Variants in MYO9A observed in about 807,000 individuals in gnomAD.
The protein encoded by MYO9A is myosin IXA, also known as unconventional myosin-IXa.
A neutral mutation model predicts 293.3 loss-of-function variants in MYO9A; 103 were observed. The observed-to-expected ratio is 0.35, with a 90% CI of 0.30 to 0.41. The LOEUF (loss-of-function observed/expected upper bound fraction) is 0.41, where lower values mean the gene tolerates loss of function less well. Among genes scored for constraint, MYO9A ranks in the 10% least tolerant of loss-of-function variants. MYO9A has a pLI of 1.00. For synonymous variants in MYO9A, 1,001 were observed against 1,035.7 expected (o/e 0.97, Z 0.64); for missense variants, 2,685 against 3,033.0 (o/e 0.89, Z 2.69).
rs747061925 is a variant in MYO9A, at chr15:71,951,915, A to AG, written c.2183-20_2183-19insC. 1 of 1,565,890 alleles carries AG rather than the reference A, an allele frequency of 6.4e-7. No homozygotes were observed. The highest frequency in any genetic ancestry group is 8.6e-7 in the Non-Finnish European group (1 of 1,165,070). On this transcript the variant is annotated intron_variant, in intron 14 of 41. Coordinates refer to ENST00000356056, the MANE Select transcript of MYO9A (RefSeq NM_006901.4). ...TCATGTCCTTAGGAAGCAAAAAAAA[A>AG]CAAACAAAAAAAAAAGGAGAAAAGA...
intron 20 of MYO9A, 37 bp downstream of exon 20, chr15:71,904,889 G>A: frequency 6.8e-7 from 1 of 1,460,398 alleles, no homozygotes. Flanking sequence ...TTTGAAGTAA[G>A]CTGAGATATG....
At position 72,058,609 on chromosome 15, in the gene MYO9A, A is replaced by ATACAG. The variant is rs2078789680; in HGVS notation, c.-71-11976_-71-11975insCTGTA. Among the ~76,000 whole-genome samples, 5 of 152,354 alleles carry ATACAG rather than the reference A, an allele frequency of 3.3e-5. No individual in the cohort carries two copies. The East Asian group carries it at 7.7e-4, about 23-fold the overall frequency. On this transcript the variant is annotated intron_variant, in intron 1 of 41. Coordinates refer to ENST00000356056, the MANE Select transcript of MYO9A (RefSeq NM_006901.4). ...TTACTGGCATTTATATAGCAATCAG[A>ATACAG]CAATGCTGTATCTTTTATATAGAAA...
intron 15 of MYO9A, among the ~76,000 whole-genome samples, chr15:71,942,191 C>G (rs1265974312): frequency 6.6e-6 from 1 of 151,860 alleles, no homozygotes; most frequent in Non-Finnish European, 1.5e-5. Flanking sequence ...TGTTGCATAA[C>G]ACAATCAGAA....
intron 13 of MYO9A, among the ~76,000 whole-genome samples, chr15:71,962,959 G>A (rs1226591290): frequency 6.6e-6 from 1 of 152,052 alleles, no homozygotes; most frequent in Non-Finnish European, 1.5e-5. Flanking sequence ...TCTCTCTCTA[G>A]TTTCCACAAG....
At chr15:71,948,603 G>A (rs1448049405) in intron 15 of MYO9A, among the ~76,000 whole-genome samples, 1 of 152,090 alleles carries the variant, frequency 6.6e-6, no homozygotes, top group Non-Finnish European at 1.5e-5. Context: ...GGCCTACAAA[G>A]CCTAAAATGT....
chr15:71,868,930 T>C (rs1415762944), intron 32 of MYO9A, among the ~76,000 whole-genome samples: 1 of 152,172 alleles, frequency 6.6e-6, no homozygotes, highest in Non-Finnish European at 1.5e-5. Context: ...TATTCAATAG[T>C]TCTACTCTCA....
chr15:72,019,262 T>C (rs1363692309), intron 5 of MYO9A, among the ~76,000 whole-genome samples, 167 bp from the exon 6 acceptor site: 1 of 152,222 alleles, frequency 6.6e-6, no homozygotes, highest in Non-Finnish European at 1.5e-5. Flanking sequence ...GCTGGGAGAC[T>C]GTATACTGTA....
chr15:72,018,953 T>A, intron 6 of MYO9A, 86 bp downstream of exon 6: 1 of 1,024,488 alleles, frequency 9.8e-7, no homozygotes, highest in Admixed American at 1.8e-5. Flanking sequence ...TCAGCTGATT[T>A]GCATTCTAAA....
chr15:72,044,318 A>G (rs967202107), intron 2 of MYO9A, among the ~76,000 whole-genome samples: 1 of 151,912 alleles, frequency 6.6e-6, no homozygotes, highest in Non-Finnish European at 1.5e-5. Flanking sequence ...AGGCAGGAGA[A>G]TCCCTTGAAC....
At chr15:72,040,948 C>A (rs1368039399) in intron 2 of MYO9A, among the ~76,000 whole-genome samples, 3 of 152,108 alleles carry the variant, frequency 2.0e-5, no homozygotes, top group Non-Finnish European at 2.9e-5. Flanking sequence ...GATCTAAAAT[C>A]AATGACCTCA....
Position 72,099,638 on chromosome 15 carries a change from C to A in MYO9A, c.-72+18042G>T, listed in dbSNP as rs568019682. On this transcript the variant is annotated intron_variant, in intron 1 of 41. Coordinates refer to ENST00000356056, the MANE Select transcript of MYO9A (RefSeq NM_006901.4). ...AAAACCAAGGCTGGGCGCGGTGGCT[C>A]ATGCCTGTAATCCCAGAATTTTGGG... is the stretch of plus-strand genomic sequence containing the variant. Among the ~76,000 whole-genome samples the A allele has an allele frequency of 4.4e-4, 67 of 151,758 alleles. 1 individual carries two copies. The South Asian group carries it at 7.1e-3, about 16-fold the overall frequency.
chr15:71,956,326 A>ATATATATATATAT (rs1371050523), intron 14 of MYO9A, among the ~76,000 whole-genome samples: 1 of 9,888 alleles, frequency 1.0e-4, no homozygotes, highest in African/African-American at 1.8e-4. Context: ...AAAAAAAAAA[A>ATATATATATATAT]AAAAATATAT....
chr15:72,034,993 A>T (rs1269033574), intron 2 of MYO9A, among the ~76,000 whole-genome samples: 1 of 152,212 alleles, frequency 6.6e-6, no homozygotes, highest in Admixed American at 6.5e-5. Flanking sequence ...TGGGTGGCAA[A>T]TAAGCATGAG....
At position 71,826,506 on chromosome 15, in the gene MYO9A, G is replaced by T; in HGVS notation, c.*74C>A. The T allele has an allele frequency of 1.5e-6, 2 of 1,366,532 alleles. No homozygotes were observed. The highest frequency in any genetic ancestry group is 2.0e-6 in the Non-Finnish European group (2 of 999,282). The allele number at this position is 1,366,532 out of a possible 1,614,324, so 84.7% of individuals were successfully genotyped here. On this transcript the variant is annotated 3_prime_UTR_variant, in exon 42 of 42. Coordinates refer to ENST00000356056, the MANE Select transcript of MYO9A (RefSeq NM_006901.4). ...AATTAGGATTGACTATTGTGGACGAGGTGATGAAACGCAGCCCCAAAGGTG... is the reference window on the plus strand; with the variant it reads ...AATTAGGATTGACTATTGTGGACGATGTGATGAAACGCAGCCCCAAAGGTG...
chr15:71,845,613 C>T (rs188067499), intron 39 of MYO9A, among the ~76,000 whole-genome samples: 2 of 152,182 alleles, frequency 1.3e-5, no homozygotes, highest in East Asian at 1.9e-4. Flanking sequence ...GTCACCGTTA[C>T]GTGAATCAAG....
intron 17 of MYO9A, among the ~76,000 whole-genome samples, chr15:71,933,926 A>G (rs571539287): frequency 1.3e-5 from 2 of 152,228 alleles, no homozygotes; most frequent in Admixed American, 6.5e-5. Flanking sequence ...GCCTTGTTAT[A>G]TAAGTATAAA....
At chr15:71,981,147 T>C (rs2076260745) in intron 11 of MYO9A, among the ~76,000 whole-genome samples, 1 of 152,248 alleles carries the variant, frequency 6.6e-6, no homozygotes, top group Non-Finnish European at 1.5e-5. Context: ...TCCCTTTGGT[T>C]ACAATGTATT....
intron 32 of MYO9A, among the ~76,000 whole-genome samples, chr15:71,863,419 G>C (rs993586574): frequency 5.9e-5 from 9 of 151,376 alleles, no homozygotes; most frequent in African/African-American, 9.7e-5. Context: ...TATTATACAT[G>C]AACATAACAT....
chr15:71,916,294 G>A (rs2058010202), intron 19 of MYO9A, 76 bp downstream of exon 19: 3 of 1,503,282 alleles, frequency 2.0e-6, no homozygotes, highest in Non-Finnish European at 2.7e-6. Context: ...CAAGTACCCT[G>A]CAGATCACTT....
Sources: gnomAD v4.1 joint callset for allele counts (sites outside exome capture counted in the v4.1 genomes callset) on GRCh38, gnomAD v4.1.1 for gene constraint, MANE v1.5 for transcripts, NCBI Gene and HGNC (gene_info 2026-07-23, HGNC 2026-07-21) for gene names.